The following TNRC18 variants were observed in gnomAD, a reference collection of about 807,000 sequenced individuals.
TNRC18 encodes trinucleotide repeat-containing gene 18 protein.
Under a neutral mutation model 226.7 loss-of-function variants are expected in TNRC18, and 69 were observed. That is an observed-to-expected ratio of 0.30 (90% CI 0.25 to 0.37). The LOEUF is 0.37. TNRC18 is among the 10% of genes least tolerant of loss of function. The pLI, the probability that TNRC18 is intolerant of heterozygous loss-of-function variation, is 1.00. For missense variants in TNRC18, 4,754 were observed against 4,256.6 expected (o/e 1.12, Z -3.25); for synonymous variants, 2,449 against 1,927.6 (o/e 1.27, Z -7.09).
intron 2 of TNRC18, among the ~76,000 whole-genome samples, chr7:5,408,343 G>A (rs1426121082): frequency 1.3e-5 from 2 of 150,222 alleles, no homozygotes; most frequent in African/African-American, 2.5e-5. Flanking sequence ...TAGGAGAGAA[G>A]TGGAAAGGAG....
chr7:5,390,590 G>A lies in TNRC18; in HGVS notation c.382C>T (p.Leu128Phe), dbSNP rs1389855838. 1.2e-6 allele frequency: 2 copies of A among 1,611,700 alleles called. No individual in the cohort carries two copies. The highest frequency in any genetic ancestry group is 4.5e-5 in the East Asian group (2 of 44,806). The change falls in exon 4 of 30, where the codon CTC becomes TTC. Residue 128 changes from leucine to phenylalanine, a missense_variant. Coordinates refer to ENST00000430969, the MANE Select transcript of TNRC18 (RefSeq NM_001080495.3). The part of the protein sequence containing the change: ...HLPSGLYPSY[L>F]HLNHLEPPSS... ...GGGGGCTCCAGGTGGTTCAGGTGGA[G>A]GTAGGATGGGTACAGCCCACTGGGC... is the stretch of plus-strand genomic sequence containing the variant.
In TNRC18 at chr7:5,308,939, T is replaced by C. The variant is rs1232303070; in HGVS notation, c.8636A>G (p.Gln2879Arg). 17 of 1,597,136 alleles carry C rather than the reference T, an allele frequency of 1.1e-5. No individual in the cohort carries two copies. The highest frequency in any genetic ancestry group is 2.3e-4 in the Middle Eastern group (1 of 4,420). Residue 2879 changes from glutamine to arginine, a missense_variant, in exon 29 of 30, where the codon CAG (glutamine) becomes CGG (arginine). Coordinates refer to ENST00000430969, the MANE Select transcript of TNRC18 (RefSeq NM_001080495.3). ...CGCCGGGAGGCTGCGGCTGGACTTC[T>C]GGTCCCAGTGCTGTGTGGGGGAGAG... ...KQFHQGQHWD[Q>R]KSSRSLPAAL...
chr7:5,364,804 G>GAA lies in TNRC18; in HGVS notation c.4220-1981_4220-1980dup, dbSNP rs778909525. ...GGGCAACAGAGGGAGGCTGTCTCAG[G>GAA]AAAAAAAAAAAAAAAAAAAAGATCT... On this transcript the variant is annotated intron_variant, in intron 11 of 29. Coordinates refer to ENST00000430969, the MANE Select transcript of TNRC18 (RefSeq NM_001080495.3). Among the ~76,000 whole-genome samples the GAA allele has an allele frequency of 2.2e-3, 197 of 88,154 alleles. 1 individual carries two copies. The highest frequency in any genetic ancestry group is 5.7e-3 in the African/African-American group (126 of 21,934). 57.8% of individuals were successfully genotyped at this position (88,154 alleles called of 152,430 possible). A position where few individuals can be genotyped will look rare whatever the true frequency, so the allele number is the denominator to read the frequency against.
At chr7:5,370,244 G>A (rs1206942879) in intron 11 of TNRC18, 131 bp downstream of exon 11, 12 of 1,098,156 alleles carry the variant, frequency 1.1e-5, no homozygotes, top group Middle Eastern at 3.1e-4. Flanking sequence ...GATCACTTGA[G>A]CCCAGGAGTT....
At chr7:5,404,411 C>T (rs939326827) in intron 2 of TNRC18, among the ~76,000 whole-genome samples, 2 of 152,146 alleles carry the variant, frequency 1.3e-5, no homozygotes, top group African/African-American at 2.4e-5. Context: ...AAAAGAGAAC[C>T]TGTAAATGGC....
At chr7:5,354,031 C>T (rs1792103514) in intron 16 of TNRC18, among the ~76,000 whole-genome samples, 2 of 151,934 alleles carry the variant, frequency 1.3e-5, no homozygotes, top group South Asian at 2.1e-4. Context: ...GGTGAAACCC[C>T]GTCTCTACTA....
At chr7:5,328,092 C>T (rs1431070908) in intron 19 of TNRC18, among the ~76,000 whole-genome samples, 1 of 152,076 alleles carries the variant, frequency 6.6e-6, no homozygotes, top group Non-Finnish European at 1.5e-5. Context: ...AGGGCACGAG[C>T]CTGTAATCCC....
chr7:5,323,513 C>A (rs1246083584), intron 21 of TNRC18, among the ~76,000 whole-genome samples: 1 of 151,832 alleles, frequency 6.6e-6, no homozygotes, highest in East Asian at 1.9e-4. Context: ...AGCCTCCTAA[C>A]TGGACTCCCT....
At chr7:5,359,275 G>A in intron 15 of TNRC18, 123 bp downstream of exon 15, 3 of 1,019,916 alleles carry the variant, frequency 2.9e-6, no homozygotes, top group South Asian at 1.5e-5. Context: ...CGGCATTGAA[G>A]ACAACCACTT....
At chr7:5,422,635 C>A (rs1417946515) in intron 1 of TNRC18, among the ~76,000 whole-genome samples, 1 of 152,150 alleles carries the variant, frequency 6.6e-6, no homozygotes, top group Non-Finnish European at 1.5e-5. Context: ...CCCTGCACTC[C>A]GCGCCCAGCC....
intron 9 of TNRC18, among the ~76,000 whole-genome samples, chr7:5,374,781 G>A (rs995962950): frequency 3.9e-5 from 6 of 152,204 alleles, no homozygotes; most frequent in African/African-American, 7.2e-5. Flanking sequence ...GGCCCTGCAC[G>A]GACCCTCACA....
intron 2 of TNRC18, among the ~76,000 whole-genome samples, chr7:5,411,515 CAAAAAAAAAAA>C (rs764197407): frequency 3.1e-5 from 2 of 65,448 alleles, no homozygotes. Flanking sequence ...AAGACTCTGT[CAAAAAAAAAAA>C]AAAAAAAAAA....
chr7:5,397,085 C>T (rs912385443), intron 2 of TNRC18, among the ~76,000 whole-genome samples: 6 of 152,274 alleles, frequency 3.9e-5, no homozygotes, highest in South Asian at 2.1e-4. Context: ...GTGTCCGGCC[C>T]CCAACACTCC....
intron 17 of TNRC18, among the ~76,000 whole-genome samples, chr7:5,351,169 G>A (rs772147467): frequency 6.6e-4 from 101 of 152,088 alleles, no homozygotes; most frequent in Middle Eastern, 6.8e-3. Context: ...GCACGGTCCC[G>A]TCCCTACTCC....
chr7:5,362,029 T>A lies in TNRC18; in HGVS notation c.4400A>T (p.Tyr1467Phe), dbSNP rs1467389659. Reference sequence around the variant, plus strand: ...GTCCTCCAGGGAGGACTTCATGGCATACATCTGGGGGAAGAACCGGGAGAG... The same window carrying A: ...GTCCTCCAGGGAGGACTTCATGGCAAACATCTGGGGGAAGAACCGGGAGAG... ...SWMRKKEERMYAMKSSLEDMD... is the reference protein window; with the variant it reads ...SWMRKKEERMFAMKSSLEDMD... Residue 1467 changes from tyrosine to phenylalanine, a missense_variant, in exon 13 of 30, where the codon TAT (tyrosine) becomes TTT (phenylalanine). Coordinates refer to ENST00000430969, the MANE Select transcript of TNRC18 (RefSeq NM_001080495.3). 1.2e-6 allele frequency: 2 copies of A among 1,612,604 alleles called. No individual in the cohort carries two copies. Among genetic ancestry groups the A allele is most frequent in the Non-Finnish European group, 1.7e-6 (2 of 1,179,430 alleles).
intron 2 of TNRC18, chr7:5,420,215 G>A (rs1782465836): frequency 2.0e-5 from 7 of 349,978 alleles, no homozygotes; most frequent in South Asian, 1.0e-4. Flanking sequence ...AGCCCGTCTC[G>A]GGAAATGGTG....
rs201266415 is a variant in TNRC18 at position 5,324,375 on chromosome 7, G to A, written c.6301-20C>T. On this transcript the variant is annotated intron_variant, in intron 20 of 29. Coordinates refer to ENST00000430969, the MANE Select transcript of TNRC18 (RefSeq NM_001080495.3). This position sits in a 1 kb window ranked among gnomAD's most constrained non-coding sequence, Gnocchi z 4.8. ...GCGGTTCTGGGGACAGAACATGGCC[G>A]ACAAATGACTTAGGACCTGAACAGG... 1,561 of 1,612,004 alleles carry A rather than the reference G, an allele frequency of 9.7e-4. 1 individual carries two copies. Among genetic ancestry groups the A allele is most frequent in the Non-Finnish European group, 1.2e-3 (1,414 of 1,179,478 alleles).
At chr7:5,335,244 G>A (rs1341568851) in intron 18 of TNRC18, among the ~76,000 whole-genome samples, 1 of 136,876 alleles carries the variant, frequency 7.3e-6, no homozygotes, top group African/African-American at 2.7e-5. Context: ...GGAGGCTGCA[G>A]TGAGCAGACA....
intron 19 of TNRC18, among the ~76,000 whole-genome samples, chr7:5,327,453 G>T (rs1789048356): frequency 6.6e-6 from 1 of 151,398 alleles, no homozygotes; most frequent in Non-Finnish European, 1.5e-5. Context: ...ACTCTTTAAT[G>T]CAAGTCATCC....
Sources: allele counts gnomAD v4.1 joint callset (sites outside exome capture counted in the v4.1 genomes callset), GRCh38; gene constraint gnomAD v4.1.1; non-coding constraint Gnocchi (gnomAD v3.1); transcripts MANE v1.5; gene names NCBI Gene and HGNC (gene_info 2026-07-23, HGNC 2026-07-21).